Variants in TTYH3 observed in about 807,000 individuals in gnomAD.
TTYH3 encodes tweety family member 3, also known as protein tweety homolog 3.
TTYH3 carries 23 observed loss-of-function variants against 68.2 expected under a neutral mutation model. The ratio of observed to expected loss-of-function variants is 0.34; its 90% confidence interval spans 0.24 to 0.48. TTYH3 has a LOEUF of 0.48. Among genes scored for constraint, TTYH3 ranks in the 20% least tolerant of loss-of-function variants. The pLI is 0.99. For missense variants in TTYH3, 768 were observed against 727.7 expected, an observed-to-expected ratio of 1.06 and a Z score of -0.64; for synonymous variants, 360 against 332.8, an observed-to-expected ratio of 1.08 and a Z score of -0.89.
In TTYH3 at chr7:2,659,033, A is replaced by G. The variant is rs1417355467; in HGVS notation, c.1500+18A>G. The G allele has an allele frequency of 6.2e-7, 1 of 1,604,636 alleles. No homozygotes were observed. On this transcript the variant is annotated intron_variant, in intron 13 of 13. Transcript: ENST00000258796. ...CGCCCTCAGTAAGTCTTGGGGCAGGAGGGTGGATGGGGGGCTGCTCAGCCT... is the reference window on the plus strand; with the variant it reads ...CGCCCTCAGTAAGTCTTGGGGCAGGGGGGTGGATGGGGGGCTGCTCAGCCT...
chr7:2,641,572 A>G (rs1010266717), intron 1 of TTYH3, among the ~76,000 whole-genome samples: 3 of 152,156 alleles, frequency 2.0e-5, no homozygotes, highest in Non-Finnish European at 4.4e-5. Context: ...GAGCCCTTAC[A>G]TCACTTCCAC....
intron 1 of TTYH3, among the ~76,000 whole-genome samples, chr7:2,642,289 C>T (rs189753906): frequency 6.6e-6 from 1 of 152,158 alleles, no homozygotes; most frequent in East Asian, 1.9e-4. Context: ...TGCCTGTAAT[C>T]CCAGCACTTT....
At chr7:2,635,560 TGG>T in intron 1 of TTYH3, among the ~76,000 whole-genome samples, 1 of 152,128 alleles carries the variant, frequency 6.6e-6, no homozygotes, top group South Asian at 2.1e-4. Context: ...ACCCAGGCGG[TGG>T]GAGCCCAGTG....
Position 2,632,231 on chromosome 7 carries a change from G to A in TTYH3, c.76G>A (p.Glu26Lys), listed in dbSNP as rs756884316. 3 of 1,586,506 alleles carry A rather than the reference G, an allele frequency of 1.9e-6. No homozygotes were observed. The highest frequency in any genetic ancestry group is 2.6e-6 in the Non-Finnish European group (3 of 1,165,888). Residue 26 changes from glutamate (E) to lysine (K), a missense_variant, in exon 1 of 14, where the codon GAG (glutamate) becomes AAG (lysine). Glu to Lys is a moderately conservative substitution (Grantham distance 56). Transcript: ENST00000258796. ...GCTGCCCCACTTCGACCTGAGCTGG[G>A]AGGCCACTAGCAGCCAGTTCCGGCC... ...HRLPHFDLSWEATSSQFRPED... is the reference protein window; with the variant it reads ...HRLPHFDLSWKATSSQFRPED...
intron 8 of TTYH3, 33 bp downstream of exon 8, chr7:2,652,275 G>A (rs754371388): frequency 6.2e-6 from 10 of 1,601,616 alleles, no homozygotes; most frequent in Non-Finnish European, 7.7e-6. Context: ...CTGGGCTTCA[G>A]GAGAGTCTGA....
chr7:2,653,114 C>T, intron 9 of TTYH3, 104 bp downstream of exon 9: 2 of 1,071,972 alleles, frequency 1.9e-6, no homozygotes, highest in Non-Finnish European at 1.4e-6. Context: ...TTGGAGAAGG[C>T]ACCAGGCTGG....
At chr7:2,651,261 C>T (rs1583569692) in intron 7 of TTYH3, among the ~76,000 whole-genome samples, 2 of 152,308 alleles carry the variant, frequency 1.3e-5, no homozygotes, top group East Asian at 1.9e-4. Context: ...GACCATCCTG[C>T]CACCCTTTGT....
Position 2,653,063 on chromosome 7 carries a change from C to A in TTYH3, c.1020+53C>A. 4 of 1,495,018 alleles carry A rather than the reference C, an allele frequency of 2.7e-6. No homozygotes were observed. In the South Asian group the frequency reaches 4.8e-5, roughly 18 times the overall value. 92.6% of individuals were successfully genotyped at this position (1,495,018 alleles called of 1,614,324 possible). A position where few individuals can be genotyped will look rare whatever the true frequency, so the allele number is the denominator to read the frequency against. ...GCAGGCAGGGCTCCTCTTTTCTCAGCATGAAAGGAATTTGTGGTGCAAACA... is the reference window on the plus strand; with the variant it reads ...GCAGGCAGGGCTCCTCTTTTCTCAGAATGAAAGGAATTTGTGGTGCAAACA... On this transcript the variant is annotated intron_variant, in intron 9 of 13. Coordinates refer to ENST00000258796, the MANE Select transcript of TTYH3 (RefSeq NM_025250.3).
intron 1 of TTYH3, among the ~76,000 whole-genome samples, chr7:2,641,625 C>G (rs1785848907): frequency 6.6e-6 from 1 of 152,264 alleles, no homozygotes; most frequent in African/African-American, 2.4e-5. Flanking sequence ...AGCTGCTGAT[C>G]AGACAGTTCC....
At chr7:2,647,072 G>A (rs1786009353) in intron 2 of TTYH3, 50 bp downstream of exon 2, 1 of 1,530,070 alleles carries the variant, frequency 6.5e-7, no homozygotes, top group Non-Finnish European at 8.8e-7. Flanking sequence ...GGGGCGGCCC[G>A]AGGGGGCGGG....
In TTYH3 at chr7:2,653,016, G is replaced by T. The variant is rs374449371; in HGVS notation, c.1020+6G>T. On this transcript the variant is annotated splice_donor_region_variant and intron_variant, in intron 9 of 13. Coordinates refer to ENST00000258796, the MANE Select transcript of TTYH3 (RefSeq NM_025250.3). ...GGGAGCAGCCGGCCACTAAGGTGAGGGGCTGCGGGGTAGGCACTGGGGCAG... is the reference window on the plus strand; with the variant it reads ...GGGAGCAGCCGGCCACTAAGGTGAGTGGCTGCGGGGTAGGCACTGGGGCAG... 7.0e-6 allele frequency: 11 copies of T among 1,562,836 alleles called. No individual in the cohort carries two copies. In the African/African-American group the frequency reaches 9.4e-5, roughly 13 times the overall value.
At chr7:2,654,177 T>C (rs1037468085) in intron 9 of TTYH3, among the ~76,000 whole-genome samples, 2 of 152,326 alleles carry the variant, frequency 1.3e-5, no homozygotes, top group South Asian at 2.1e-4. Context: ...AGGGGATCAC[T>C]TGAGCCCACG....
intron 8 of TTYH3, 175 bp from the exon 9 acceptor site, chr7:2,652,743 T>G (rs77310736): frequency 1.7e-6 from 1 of 604,220 alleles, no homozygotes; most frequent in Non-Finnish European, 2.9e-6. Context: ...CTGTGGTCTC[T>G]GGGTGTGTCC....
intron 7 of TTYH3, 30 bp downstream of exon 7, chr7:2,650,018 C>A (rs372852504): frequency 6.2e-6 from 10 of 1,612,324 alleles, no homozygotes; most frequent in Non-Finnish European, 6.8e-6. Context: ...CGTGTCCCAG[C>A]GGGTTCCCCA....
chr7:2,632,377 C>T, intron 1 of TTYH3, 99 bp downstream of exon 1: 2 of 1,245,494 alleles, frequency 1.6e-6, no homozygotes, highest in Non-Finnish European at 2.1e-6. Flanking sequence ...CCTAAAGACC[C>T]CTCATCCCCC....
At chr7:2,639,494 C>G (rs895109449) in intron 1 of TTYH3, among the ~76,000 whole-genome samples, 1 of 152,214 alleles carries the variant, frequency 6.6e-6, no homozygotes. Context: ...ACTGTGGGCA[C>G]AGGGGAGCCC....
chr7:2,655,253 C>G (rs923797872), intron 9 of TTYH3, among the ~76,000 whole-genome samples: 3 of 152,146 alleles, frequency 2.0e-5, no homozygotes, highest in Non-Finnish European at 4.4e-5. Context: ...TGAAGCGATT[C>G]TTCTGCCTCA....
intron 1 of TTYH3, among the ~76,000 whole-genome samples, chr7:2,640,287 G>C (rs576807014): frequency 2.6e-5 from 4 of 152,216 alleles, no homozygotes; most frequent in African/African-American, 4.8e-5. Context: ...CCAGCCACGC[G>C]CCACGGTAGC....
rs1786322970 is a variant in TTYH3 at position 2,656,029 on chromosome 7, G to A, written c.1021-63G>A. Reference sequence around the variant, plus strand: ...GACCTGGGGGCTTCCCAGATGGGGCGAGGCTGGCTCGAGGTCCCCCGTCCA... The same window carrying A: ...GACCTGGGGGCTTCCCAGATGGGGCAAGGCTGGCTCGAGGTCCCCCGTCCA... On this transcript the variant is annotated intron_variant, in intron 9 of 13. Transcript: ENST00000258796. 7 of 1,340,966 alleles carry A rather than the reference G, an allele frequency of 5.2e-6. No homozygotes were observed. The Admixed American group carries it at 8.3e-5, about 16-fold the overall frequency. The allele number at this position is 1,340,966 out of a possible 1,614,324, so 83.1% of individuals were successfully genotyped here.
Sources: gnomAD v4.1 joint callset for allele counts (sites outside exome capture counted in the v4.1 genomes callset) on GRCh38, gnomAD v4.1.1 for gene constraint, MANE v1.5 for transcripts, NCBI Gene and HGNC (gene_info 2026-07-23, HGNC 2026-07-21) for gene names.